The following PIGL variants were observed in gnomAD, a reference collection of about 807,000 sequenced individuals.
The protein encoded by PIGL is phosphatidylinositol glycan anchor biosynthesis class L, also known as N-acetylglucosaminyl-phosphatidylinositol de-N-acetylase.
In PIGL, 22 loss-of-function variants were observed where a neutral mutation model predicts 31.1. The observed-to-expected ratio is 0.71, with a 90% confidence interval of 0.51 to 1.01. The LOEUF is 1.01. Ranked by LOEUF, PIGL falls within the 50% of genes least tolerant of loss-of-function variation. The pLI is 0.00. For missense variants in PIGL, 302 were observed against 315.9 expected, an observed-to-expected ratio of 0.96 and a Z score of 0.33; for synonymous variants, 131 against 117.4, an observed-to-expected ratio of 1.12 and a Z score of -0.75.
chr17:16,217,457 T>G lies in PIGL; in HGVS notation c.231T>G (p.Ser77=). 1 of 1,611,508 alleles carries G rather than the reference T, an allele frequency of 6.2e-7. No homozygotes were observed. Among genetic ancestry groups the G allele is most frequent in the Non-Finnish European group, 8.5e-7 (1 of 1,177,572 alleles). Residue 77 remains serine, a synonymous_variant, in exon 1 of 7, where the codon TCT becomes TCG. Transcript: ENST00000225609. ...LRHWVYLLCF[S]AGNYYNQGET... is the part of the protein sequence containing the mutation. ...ACTGGGTGTACCTGCTTTGCTTCTC[T>G]GCAGGTAGGAGGCCATAGGAGGGGC...
chr17:16,291,592 G>A (rs190660395), intron 2 of PIGL, among the ~76,000 whole-genome samples: 37 of 151,566 alleles, frequency 2.4e-4, no homozygotes, highest in Admixed American at 9.2e-4. Flanking sequence ...TTGGCTGGGC[G>A]CAGTGGCTCA....
intron 2 of PIGL, among the ~76,000 whole-genome samples, chr17:16,285,088 T>TG (rs11429532): frequency 0.051 from 7,688 of 152,218 alleles, 659 homozygotes; most frequent in African/African-American, 0.17. Flanking sequence ...CCCAAAAGGC[T>TG]GAGATTACAG....
intron 2 of PIGL, among the ~76,000 whole-genome samples, chr17:16,242,926 C>A (rs2092729280): frequency 6.6e-6 from 1 of 151,976 alleles, no homozygotes; most frequent in African/African-American, 2.4e-5. Flanking sequence ...TTTCTTATTT[C>A]TTTGAGTGGA....
chr17:16,286,570 C>T (rs187466737), intron 2 of PIGL, among the ~76,000 whole-genome samples: 2 of 152,126 alleles, frequency 1.3e-5, no homozygotes, highest in Non-Finnish European at 2.9e-5. Context: ...TTTTAATGAA[C>T]GCTTTTAGCC....
intron 2 of PIGL, among the ~76,000 whole-genome samples, chr17:16,285,470 A>G (rs754593132): frequency 4.6e-5 from 7 of 152,164 alleles, no homozygotes; most frequent in Non-Finnish European, 8.8e-5. Flanking sequence ...CTGTAATCCC[A>G]GCTACTGGGG....
intron 3 of PIGL, 86 bp downstream of exon 3, chr17:16,300,064 C>A: frequency 1.0e-6 from 1 of 964,462 alleles, no homozygotes; most frequent in South Asian, 1.3e-5. Context: ...CTGTGGCCAC[C>A]CTCCCACTTC....
chr17:16,261,480 C>A (rs772044252), intron 2 of PIGL, among the ~76,000 whole-genome samples: 1 of 152,102 alleles, frequency 6.6e-6, no homozygotes, highest in Non-Finnish European at 1.5e-5. Context: ...AGTGAAAAGA[C>A]AATCTAAAGA....
chr17:16,273,217 G>A (rs2092879723), intron 2 of PIGL, among the ~76,000 whole-genome samples: 1 of 152,194 alleles, frequency 6.6e-6, no homozygotes, highest in Non-Finnish European at 1.5e-5. Flanking sequence ...CTCAGATGCA[G>A]GAGCCAGGAA....
chr17:16,219,106 G>A lies in PIGL; in HGVS notation c.235+1645G>A, dbSNP rs796476884. 1.3e-4 allele frequency among the ~76,000 whole-genome samples: 17 copies of A among 133,504 alleles called. 1 individual carries two copies. Among genetic ancestry groups the A allele is most frequent in the African/African-American group, 3.7e-4 (13 of 35,252 alleles). The allele number at this position is 133,504 out of a possible 152,430, so 87.6% of individuals were successfully genotyped here. A position where few individuals can be genotyped will look rare whatever the true frequency, so the allele number is the denominator to read the frequency against. ...TTTTGAGACGGAGTCTTGCTCTATC[G>A]CCTAGGCTGGAGTGCAGTGGCGCAA... On this transcript the variant is annotated intron_variant, in intron 1 of 6. Coordinates refer to ENST00000225609, the MANE Select transcript of PIGL (RefSeq NM_004278.4).
chr17:16,298,059 G>T (rs2092990016), intron 2 of PIGL, among the ~76,000 whole-genome samples: 1 of 152,098 alleles, frequency 6.6e-6, no homozygotes, highest in Non-Finnish European at 1.5e-5. Context: ...AGGATCTAAT[G>T]CCCCCCACCC....
At chr17:16,229,211 A>T (rs567791374) in intron 1 of PIGL, among the ~76,000 whole-genome samples, 3 of 152,262 alleles carry the variant, frequency 2.0e-5, no homozygotes, top group African/African-American at 7.2e-5. Flanking sequence ...CAGGAGGTCA[A>T]GGCTGCAGTA....
chr17:16,314,378 T>C (rs568560865), intron 4 of PIGL, among the ~76,000 whole-genome samples: 54 of 152,236 alleles, frequency 3.5e-4, no homozygotes, highest in African/African-American at 1.0e-3. Flanking sequence ...ATATGTAAAG[T>C]TGGAAATGAC....
In PIGL at chr17:16,234,094, G is replaced by T. The variant is rs764666646; in HGVS notation, c.335+24G>T. 23 of 1,306,804 alleles carry T rather than the reference G, an allele frequency of 1.8e-5. No individual in the cohort carries two copies. The East Asian group carries it at 5.1e-4, about 29-fold the overall frequency. 81.0% of individuals were successfully genotyped at this position (1,306,804 alleles called of 1,614,324 possible). On this transcript the variant is annotated intron_variant, in intron 2 of 6. Coordinates refer to ENST00000225609, the MANE Select transcript of PIGL (RefSeq NM_004278.4). ...AGGTAATATATCTTTTAACAATGTA[G>T]AAATTTATTGGCAATAAATATGCAG...
At chr17:16,251,797 T>C (rs1568797244) in intron 2 of PIGL, among the ~76,000 whole-genome samples, 1 of 151,882 alleles carries the variant, frequency 6.6e-6, no homozygotes, top group Non-Finnish European at 1.5e-5. Flanking sequence ...AAATGAATAA[T>C]AGGTTTTGCC....
intron 2 of PIGL, among the ~76,000 whole-genome samples, chr17:16,261,470 A>G (rs2092819056): frequency 6.6e-6 from 1 of 152,250 alleles, no homozygotes; most frequent in South Asian, 2.1e-4. Context: ...CACTATCAAG[A>G]GTGAAAAGAC....
chr17:16,246,615 T>G (rs2142716091), intron 2 of PIGL, among the ~76,000 whole-genome samples: 1 of 150,958 alleles, frequency 6.6e-6, no homozygotes. Context: ...CAGTGTGGCT[T>G]AAACAATAGA....
chr17:16,218,985 A>G (rs749322173), intron 1 of PIGL, among the ~76,000 whole-genome samples: 1 of 149,188 alleles, frequency 6.7e-6, no homozygotes, highest in Admixed American at 6.7e-5. Context: ...TGGCCTACCT[A>G]TTTACATTCT....
intron 2 of PIGL, among the ~76,000 whole-genome samples, chr17:16,290,099 A>ATTT (rs1422286365): frequency 7.1e-6 from 1 of 140,768 alleles, no homozygotes; most frequent in Non-Finnish European, 1.5e-5. Context: ...CTTTTTTTTA[A>ATTT]TTTTTTTTTT....
intron 3 of PIGL, among the ~76,000 whole-genome samples, chr17:16,304,309 C>A (rs954148808): frequency 1.3e-5 from 2 of 152,210 alleles, no homozygotes; most frequent in Non-Finnish European, 2.9e-5. Context: ...TGGGCTGCAC[C>A]AGGATGAGAG....
Sources: gnomAD v4.1 joint callset for allele counts (sites outside exome capture counted in the v4.1 genomes callset) on GRCh38, gnomAD v4.1.1 for gene constraint, MANE v1.5 for transcripts, NCBI Gene and HGNC (gene_info 2026-07-23, HGNC 2026-07-21) for gene names.